Variants in KCNQ3 observed in about 807,000 individuals in gnomAD.
KCNQ3 encodes the protein potassium voltage-gated channel subfamily Q member 3.
A neutral mutation model predicts 92.5 loss-of-function variants in KCNQ3; 30 were observed. That is an observed-to-expected ratio of 0.32 (90% CI 0.24 to 0.44). The LOEUF is 0.44. Among genes scored for constraint, KCNQ3 ranks in the 20% least tolerant of loss-of-function variants. The pLI, the probability that KCNQ3 is intolerant of heterozygous loss-of-function variation, is 1.00. For synonymous variants in KCNQ3, 450 were observed against 468.8 expected, an observed-to-expected ratio of 0.96 and a Z score of 0.52; for missense variants, 913 against 1,140.3, an observed-to-expected ratio of 0.80 and a Z score of 2.87.
rs922046486 is a variant in KCNQ3 at position 132,455,139 on chromosome 8, CAG to C, written c.386+25006_386+25007del. ...TTAAAATGGTAAATTTTTTTTAAGA[CAG>C]AGTCTCACTCTGTTGCCCAGGCTGG... On this transcript the variant is annotated intron_variant, in intron 1 of 14. Coordinates refer to ENST00000388996, the MANE Select transcript of KCNQ3 (RefSeq NM_004519.4). 7.9e-5 allele frequency among the ~76,000 whole-genome samples: 12 copies of C among 152,288 alleles called. No homozygotes were observed. The East Asian group carries it at 9.7e-4, about 12-fold the overall frequency.
chr8:132,406,324 A>T lies in KCNQ3; in HGVS notation c.386+73823T>A, dbSNP rs548457517. The stretch of plus-strand genomic sequence containing the variant: ...GGACTCGGGAGGATGGGCTGAAGCT[A>T]CGTCCAATCTCACAGTGGAGAACTT... On this transcript the variant is annotated intron_variant, in intron 1 of 14. Transcript: ENST00000388996. Among the ~76,000 whole-genome samples the T allele has an allele frequency of 1.7e-4, 26 of 152,264 alleles. No homozygotes were observed. In the East Asian group the frequency reaches 4.8e-3, roughly 28 times the overall value.
At chr8:132,330,871 G>A (rs1184197254) in intron 1 of KCNQ3, among the ~76,000 whole-genome samples, 3 of 152,196 alleles carry the variant, frequency 2.0e-5, no homozygotes, top group Non-Finnish European at 4.4e-5. Context: ...AGAATTGAGA[G>A]CCCCAGGAGT....
intron 1 of KCNQ3, among the ~76,000 whole-genome samples, chr8:132,192,347 C>T (rs898687665): frequency 9.2e-5 from 14 of 152,152 alleles, no homozygotes; most frequent in African/African-American, 2.2e-4. Context: ...AGAGGAAACG[C>T]CCCTTAGTTT....
At chr8:132,313,555 A>G (rs1388689647) in intron 1 of KCNQ3, among the ~76,000 whole-genome samples, 2 of 152,224 alleles carry the variant, frequency 1.3e-5, no homozygotes, top group Non-Finnish European at 2.9e-5. Context: ...TCAATAAGAC[A>G]TTTGATCAAA....
chr8:132,290,170 T>C (rs1816798613), intron 1 of KCNQ3, among the ~76,000 whole-genome samples: 1 of 152,194 alleles, frequency 6.6e-6, no homozygotes, highest in South Asian at 2.1e-4. Context: ...CAACTAATAC[T>C]CCTGACATGG....
At chr8:132,264,549 G>A (rs1815916631) in intron 1 of KCNQ3, among the ~76,000 whole-genome samples, 1 of 152,168 alleles carries the variant, frequency 6.6e-6, no homozygotes, top group Non-Finnish European at 1.5e-5. Context: ...CTCCAGGCAG[G>A]GGTTCCTCCT....
chr8:132,283,466 C>T (rs555510085), intron 1 of KCNQ3, among the ~76,000 whole-genome samples: 2 of 152,340 alleles, frequency 1.3e-5, no homozygotes, highest in African/African-American at 4.8e-5. Flanking sequence ...CTCAAGTGAA[C>T]AAATGTGATG....
intron 1 of KCNQ3, among the ~76,000 whole-genome samples, chr8:132,457,326 TAC>T (rs911496672): frequency 9.2e-5 from 14 of 152,174 alleles, no homozygotes; most frequent in Non-Finnish European, 1.9e-4. Context: ...GGAAGAAAGA[TAC>T]AGAGACACCG....
chr8:132,178,260 C>T (rs1345973420), intron 4 of KCNQ3, among the ~76,000 whole-genome samples: 1 of 152,096 alleles, frequency 6.6e-6, no homozygotes, highest in African/African-American at 2.4e-5. Flanking sequence ...AATAGAAGGT[C>T]AGGAGAAAGA....
intron 1 of KCNQ3, among the ~76,000 whole-genome samples, chr8:132,292,421 G>A (rs1443805557): frequency 6.6e-6 from 1 of 152,166 alleles, no homozygotes; most frequent in Non-Finnish European, 1.5e-5. Flanking sequence ...GAAGTTCCAT[G>A]GTAATAATTT....
Position 132,121,756 on chromosome 8 carries a change from G to A in KCNQ3, c.*7506C>T, listed in dbSNP as rs11785257. On this transcript the variant is annotated 3_prime_UTR_variant, in exon 15 of 15. Transcript: ENST00000388996. ...ACAAAAGACCAGAGTCAGCAGAGAC[G>A]TGGAGATATTTGAACTTGTTTGGTT... The A allele has an allele frequency of 0.14, 21,766 of 152,190 alleles. 1,693 individuals are homozygous for A. The highest frequency in any genetic ancestry group is 0.17 in the East Asian group (861 of 5,178). The allele number at this position is 152,190 out of a possible 1,614,324, so 9.4% of individuals were successfully genotyped here.
intron 1 of KCNQ3, among the ~76,000 whole-genome samples, chr8:132,376,048 T>TATG (rs1819598825): frequency 6.6e-6 from 1 of 152,182 alleles, no homozygotes; most frequent in African/African-American, 2.4e-5. Flanking sequence ...TGTCAGGCCC[T>TATG]CATGGAACAT....
chr8:132,279,809 T>A (rs1186697799), intron 1 of KCNQ3, among the ~76,000 whole-genome samples: 2 of 152,140 alleles, frequency 1.3e-5, no homozygotes, highest in Non-Finnish European at 2.9e-5. Context: ...TGCACATATG[T>A]GCATATATAT....
intron 1 of KCNQ3, among the ~76,000 whole-genome samples, chr8:132,441,788 T>G (rs1821544324): frequency 6.6e-6 from 1 of 152,198 alleles, no homozygotes; most frequent in Admixed American, 6.5e-5. Context: ...GCATGTCATT[T>G]TTTGACGTTT....
chr8:132,233,245 A>C (rs1463888643), intron 1 of KCNQ3, among the ~76,000 whole-genome samples: 2 of 152,226 alleles, frequency 1.3e-5, no homozygotes, highest in Non-Finnish European at 2.9e-5. Flanking sequence ...TTTCAAAATT[A>C]ATTCCAGCCA....
intron 1 of KCNQ3, among the ~76,000 whole-genome samples, chr8:132,326,319 A>G (rs1818051347): frequency 6.6e-6 from 1 of 152,180 alleles, no homozygotes; most frequent in Admixed American, 6.5e-5. Context: ...AAGGCCACCA[A>G]TAGCAGGTGG....
intron 1 of KCNQ3, among the ~76,000 whole-genome samples, chr8:132,401,666 G>A (rs1449230237): frequency 2.6e-5 from 4 of 152,200 alleles, no homozygotes; most frequent in Admixed American, 1.3e-4. Flanking sequence ...GAGCCACCAC[G>A]CTAGGCCAAA....
chr8:132,448,248 G>A (rs1013484408), intron 1 of KCNQ3, among the ~76,000 whole-genome samples: 5 of 151,996 alleles, frequency 3.3e-5, no homozygotes, highest in African/African-American at 9.7e-5. Context: ...TAAGTCAGTG[G>A]GTCCCTAACT....
chr8:132,433,237 C>T (rs1475291411), intron 1 of KCNQ3, among the ~76,000 whole-genome samples: 2 of 152,146 alleles, frequency 1.3e-5, no homozygotes, highest in Non-Finnish European at 2.9e-5. Flanking sequence ...CCCCACTCAT[C>T]TGGATCATTA....
Sources: allele counts gnomAD v4.1 joint callset (sites outside exome capture counted in the v4.1 genomes callset), GRCh38; gene constraint gnomAD v4.1.1; transcripts MANE v1.5; gene names NCBI Gene and HGNC (gene_info 2026-07-23, HGNC 2026-07-21).